ABCC9: variants seen among roughly 807,000 people sequenced by gnomAD.
ABCC9 encodes ATP-binding cassette sub-family C member 9.
Under a neutral mutation model 188.3 loss-of-function variants are expected in ABCC9, and 95 were observed. The observed-to-expected ratio is 0.50, with a 90% CI of 0.43 to 0.60. ABCC9 has a LOEUF of 0.60. ABCC9 is among the 20% of genes least tolerant of loss of function. The pLI, the probability that ABCC9 is intolerant of heterozygous loss-of-function variation, is 0.00. For synonymous variants in ABCC9, 659 were observed against 652.7 expected, an observed-to-expected ratio of 1.01 and a Z score of -0.15; for missense variants, 1,102 against 1,876.3, an observed-to-expected ratio of 0.59 and a Z score of 7.62.
intron 14 of ABCC9, among the ~76,000 whole-genome samples, chr12:21,891,912 C>T (rs2137722468): frequency 6.6e-6 from 1 of 152,300 alleles, no homozygotes; most frequent in Admixed American, 6.5e-5. Flanking sequence ...GTCCAATCAA[C>T]ACTGGGAGAG....
chr12:21,806,836 T>G (rs989912558), intron 38 of ABCC9, among the ~76,000 whole-genome samples: 6 of 152,198 alleles, frequency 3.9e-5, no homozygotes, highest in Non-Finnish European at 8.8e-5. Context: ...TTTGACAATT[T>G]CAAATAATAT....
At chr12:21,821,708 G>T (rs544687940) in intron 31 of ABCC9, among the ~76,000 whole-genome samples, 1 of 152,068 alleles carries the variant, frequency 6.6e-6, no homozygotes, top group Non-Finnish European at 1.5e-5. Context: ...CCACTGTAAA[G>T]AATGACATGG....
At chr12:21,900,257 T>C (rs532543465) in intron 12 of ABCC9, among the ~76,000 whole-genome samples, 1 of 152,238 alleles carries the variant, frequency 6.6e-6, no homozygotes, top group South Asian at 2.1e-4. Context: ...TCCTGATTAT[T>C]AGAAGGAAAA....
chr12:21,847,961 C>G (rs989507822), intron 25 of ABCC9, among the ~76,000 whole-genome samples, 189 bp downstream of exon 25: 4 of 152,142 alleles, frequency 2.6e-5, no homozygotes, highest in African/African-American at 9.7e-5. Context: ...TGGAGGCCCT[C>G]AAGATGACTG....
At chr12:21,861,173 T>G in intron 20 of ABCC9, 118 bp from the exon 21 acceptor site, 2 of 780,204 alleles carry the variant, frequency 2.6e-6, no homozygotes, top group Admixed American at 3.8e-5. Flanking sequence ...ACTTATTATA[T>G]GCCAGCCTCT....
At chr12:21,919,257 A>C (rs886981383) in intron 5 of ABCC9, among the ~76,000 whole-genome samples, 1 of 152,076 alleles carries the variant, frequency 6.6e-6, no homozygotes, top group Non-Finnish European at 1.5e-5. Context: ...CATTCTTTGA[A>C]AAGACTAATA....
At chr12:21,879,492 C>G (rs543171733) in intron 16 of ABCC9, among the ~76,000 whole-genome samples, 13 of 152,074 alleles carry the variant, frequency 8.5e-5, no homozygotes, top group African/African-American at 3.1e-4. Context: ...GAGATTTCCT[C>G]TTGGGGTGAT....
At chr12:21,935,830 A>G (rs1194574538) in intron 3 of ABCC9, among the ~76,000 whole-genome samples, 2 of 152,158 alleles carry the variant, frequency 1.3e-5, no homozygotes, top group African/African-American at 4.8e-5. Context: ...ATAATTTTAA[A>G]AAAGTTAAAG....
intron 12 of ABCC9, among the ~76,000 whole-genome samples, chr12:21,902,443 A>G (rs1947809877): frequency 6.6e-6 from 1 of 152,264 alleles, no homozygotes; most frequent in Non-Finnish European, 1.5e-5. Flanking sequence ...GAAATAACTT[A>G]GATCAGAGCA....
chr12:21,891,334 A>C (rs1565453227), intron 14 of ABCC9, among the ~76,000 whole-genome samples: 1 of 152,204 alleles, frequency 6.6e-6, no homozygotes, highest in Non-Finnish European at 1.5e-5. Context: ...ATTCTAAAAA[A>C]GAAATCACTC....
intron 5 of ABCC9, among the ~76,000 whole-genome samples, chr12:21,918,896 T>C (rs1164428241): frequency 6.6e-6 from 1 of 152,122 alleles, no homozygotes; most frequent in East Asian, 1.9e-4. Context: ...TTTCATGCAG[T>C]AAGATATCTA....
chr12:21,803,869 C>T (rs886370931), intron 39 of ABCC9, among the ~76,000 whole-genome samples: 2 of 152,106 alleles, frequency 1.3e-5, no homozygotes, highest in African/African-American at 4.8e-5. Flanking sequence ...TGAGTGCTTC[C>T]TTTCAGAAGC....
In ABCC9 at chr12:21,808,231, G is replaced by C. The variant is rs1419132855; in HGVS notation, c.4316-752C>G. ...ATAATTTGTCATGATGGGAAAATAGGTATTTATTCTCCAAATTCTGATTTA... is the reference window on the plus strand; with the variant it reads ...ATAATTTGTCATGATGGGAAAATAGCTATTTATTCTCCAAATTCTGATTTA... On this transcript the variant is annotated intron_variant, in intron 37 of 39. Coordinates refer to ENST00000261200, the MANE Select transcript of ABCC9 (RefSeq NM_020297.4). Among the ~76,000 whole-genome samples the C allele has an allele frequency of 2.0e-5, 3 of 151,986 alleles. No homozygotes were observed. The East Asian group carries it at 5.8e-4, about 29-fold the overall frequency.
Position 21,827,136 on chromosome 12 carries a change from CAAACT to C in ABCC9, c.3669+1817_3669+1821del, listed in dbSNP as rs530470793. On this transcript the variant is annotated intron_variant, in intron 31 of 39. Transcript: ENST00000261200. ...GGGGTTAAAGTATTGGGTTATGAGA[CAAACT>C]AAACTAAACAATTTTGAGTTTGGCT... The C allele has an allele frequency of 1.8e-4, 178 of 985,362 alleles. 1 individual carries two copies. In the South Asian group the frequency reaches 4.7e-3, roughly 26 times the overall value. The allele number at this position is 985,362 out of a possible 1,614,324, so 61.0% of individuals were successfully genotyped here. A position where few individuals can be genotyped will look rare whatever the true frequency, so the allele number is the denominator to read the frequency against.
intron 31 of ABCC9, among the ~76,000 whole-genome samples, chr12:21,819,699 C>T (rs545801275): frequency 3.7e-4 from 56 of 151,028 alleles, no homozygotes; most frequent in Middle Eastern, 3.4e-3. Flanking sequence ...TTTTTTTTTC[C>T]CTTTGGATAA....
intron 36 of ABCC9, among the ~76,000 whole-genome samples, chr12:21,810,273 C>A (rs904308912): frequency 3.3e-5 from 5 of 152,096 alleles, no homozygotes; most frequent in Admixed American, 3.3e-4. Flanking sequence ...TAGTATCTAG[C>A]AAAATATTCC....
At chr12:21,831,848 C>A (rs1298302086) in intron 30 of ABCC9, among the ~76,000 whole-genome samples, 2 of 152,094 alleles carry the variant, frequency 1.3e-5, no homozygotes, top group Non-Finnish European at 2.9e-5. Flanking sequence ...GCCAGGTGGA[C>A]CAAAGCCAGT....
chr12:21,861,969 A>G (rs1426376113), intron 20 of ABCC9, among the ~76,000 whole-genome samples: 1 of 152,150 alleles, frequency 6.6e-6, no homozygotes, highest in Non-Finnish European at 1.5e-5. Flanking sequence ...ACAAGGAAGC[A>G]TGGGGATTGA....
Position 21,872,489 on chromosome 12 carries a change from T to A in ABCC9, c.2198+136A>T, listed in dbSNP as rs543572693. On this transcript the variant is annotated intron_variant, in intron 18 of 39. Coordinates refer to ENST00000261200, the MANE Select transcript of ABCC9 (RefSeq NM_020297.4). The stretch of plus-strand genomic sequence containing the variant: ...TTATGACTTTTAAGGTTTCCATCAA[T>A]TTTTTTTTTAAAGCTGTGCTTATTT... The A allele has an allele frequency of 1.3e-4, 75 of 581,982 alleles. 1 individual carries two copies. Among genetic ancestry groups the A allele is most frequent in the East Asian group, 4.0e-4 (13 of 32,116 alleles). 36.1% of individuals were successfully genotyped at this position (581,982 alleles called of 1,614,324 possible). A position where few individuals can be genotyped will look rare whatever the true frequency, so the allele number is the denominator to read the frequency against.
Sources: gnomAD v4.1 joint callset for allele counts (sites outside exome capture counted in the v4.1 genomes callset) on GRCh38, gnomAD v4.1.1 for gene constraint, MANE v1.5 for transcripts, NCBI Gene and HGNC (gene_info 2026-07-23, HGNC 2026-07-21) for gene names.